SCG5: variants seen among roughly 807,000 people sequenced by gnomAD.
SCG5 encodes the protein secretogranin V.
SCG5 carries 18 observed loss-of-function variants against 25.7 expected under a neutral mutation model. That is an observed-to-expected ratio of 0.70 (90% confidence interval 0.48 to 1.04). The LOEUF is 1.04. Among genes scored for constraint, SCG5 ranks in the 50% least tolerant of loss-of-function variants. SCG5 has a pLI of 0.00. For missense variants in SCG5, 206 were observed against 259.8 expected (o/e 0.79, Z 1.42); for synonymous variants, 101 against 91.7 (o/e 1.10, Z -0.58).
chr15:32,654,429 A>AT (rs2054081704), intron 2 of SCG5, among the ~76,000 whole-genome samples: 2 of 152,200 alleles, frequency 1.3e-5, no homozygotes, highest in African/African-American at 4.8e-5. Flanking sequence ...CAAACATTCC[A>AT]TCCATAGCCC....
intron 2 of SCG5, among the ~76,000 whole-genome samples, chr15:32,678,291 T>A (rs1373660843): frequency 6.6e-6 from 1 of 152,174 alleles, no homozygotes; most frequent in Admixed American, 6.5e-5. Flanking sequence ...TGGGAAAATA[T>A]TTTCAGAAAA....
At chr15:32,675,095 A>G (rs571363984) in intron 2 of SCG5, among the ~76,000 whole-genome samples, 22 of 152,236 alleles carry the variant, frequency 1.4e-4, no homozygotes, top group Non-Finnish European at 2.9e-4. Context: ...TATAAACGCA[A>G]CTGGGCTTAA....
intron 1 of SCG5, 96 bp from the exon 2 acceptor site, chr15:32,643,490 C>T: frequency 9.8e-7 from 1 of 1,018,964 alleles, no homozygotes. Flanking sequence ...CTGGGTGGTC[C>T]TCGAACCACA....
chr15:32,682,923 G>A (rs1014255126), intron 3 of SCG5, among the ~76,000 whole-genome samples: 1 of 152,144 alleles, frequency 6.6e-6, no homozygotes, highest in African/African-American at 2.4e-5. Context: ...TTTAAGCCCG[G>A]AGACACCTTC....
chr15:32,694,475 A>G (rs185737239), intron 5 of SCG5, among the ~76,000 whole-genome samples: 80 of 152,300 alleles, frequency 5.3e-4, no homozygotes, highest in Middle Eastern at 3.4e-3. Context: ...GAGCTCTACT[A>G]TTGATCTTAT....
Position 32,643,866 on chromosome 15 carries a change from T to C in SCG5, c.226+48T>C, listed in dbSNP as rs762703251. Reference sequence around the variant, plus strand: ...TTGAAGTTTCCGTTAGCATTTTAAATAATATATTTGCACACTTCTCACAAC... The same window carrying C: ...TTGAAGTTTCCGTTAGCATTTTAAACAATATATTTGCACACTTCTCACAAC... On this transcript the variant is annotated intron_variant, in intron 2 of 5. Transcript: ENST00000300175. 5 of 1,515,752 alleles carry C rather than the reference T, an allele frequency of 3.3e-6. No homozygotes were observed. In the East Asian group the frequency reaches 1.1e-4, roughly 34 times the overall value. 93.9% of individuals were successfully genotyped at this position (1,515,752 alleles called of 1,614,324 possible).
In SCG5 at chr15:32,684,584, C is replaced by T. The variant is rs2054671686; in HGVS notation, c.404C>T (p.Pro135Leu). The change falls in exon 4 of 6, where the codon CCT (proline) becomes CTT (leucine). Residue 135 changes from proline (P) to leucine (L), a missense_variant. By Grantham distance (98) the Pro-to-Leu change is moderately conservative. Coordinates refer to ENST00000300175, the MANE Select transcript of SCG5 (RefSeq NM_001144757.3). ...TADDGCLENTPDTAEFSREFQ... is the reference protein window; with the variant it reads ...TADDGCLENTLDTAEFSREFQ... Reference sequence around the variant, plus strand: ...GATGATGGATGTCTAGAAAACACCCCTGACACTGCAGAGTTCAGTCGAGAG... The same window carrying T: ...GATGATGGATGTCTAGAAAACACCCTTGACACTGCAGAGTTCAGTCGAGAG... The T allele has an allele frequency of 1.9e-6, 3 of 1,613,408 alleles. No individual in the cohort carries two copies. In the South Asian group the frequency reaches 3.3e-5, roughly 18 times the overall value.
intron 2 of SCG5, among the ~76,000 whole-genome samples, chr15:32,659,285 C>T (rs1015584131): frequency 3.9e-5 from 6 of 152,348 alleles, no homozygotes; most frequent in African/African-American, 1.4e-4. Context: ...TGAAATGGAT[C>T]TTTCCTCTGG....
chr15:32,664,324 A>G (rs939892599), intron 2 of SCG5, among the ~76,000 whole-genome samples: 9 of 152,006 alleles, frequency 5.9e-5, no homozygotes, highest in African/African-American at 2.2e-4. Context: ...CCTTCCCTAC[A>G]TTGCTCTCTT....
In SCG5 at chr15:32,669,327, A is replaced by G. The variant is rs546539847; in HGVS notation, c.227-10439A>G. ...AGATAATTGGAGGCGGTAGGCCTGTATATGGAACCAGATGCTAGAGAGCCC... is the reference window on the plus strand; with the variant it reads ...AGATAATTGGAGGCGGTAGGCCTGTGTATGGAACCAGATGCTAGAGAGCCC... On this transcript the variant is annotated intron_variant, in intron 2 of 5. Transcript: ENST00000300175. Among the ~76,000 whole-genome samples, 8 of 152,302 alleles carry G rather than the reference A, an allele frequency of 5.3e-5. No homozygotes were observed. The East Asian group carries it at 5.8e-4, about 11-fold the overall frequency.
chr15:32,665,395 G>A (rs933432986), intron 2 of SCG5, among the ~76,000 whole-genome samples: 1 of 151,170 alleles, frequency 6.6e-6, no homozygotes, highest in Non-Finnish European at 1.5e-5. Context: ...TTTAAGTCTC[G>A]TTTCTGACAC....
intron 2 of SCG5, among the ~76,000 whole-genome samples, chr15:32,672,058 A>G (rs2054435544): frequency 1.3e-5 from 2 of 152,236 alleles, no homozygotes; most frequent in African/African-American, 4.8e-5. Flanking sequence ...ACCGCTGACA[A>G]AAGGAAAACT....
intron 4 of SCG5, among the ~76,000 whole-genome samples, chr15:32,687,245 A>G (rs890115647): frequency 6.6e-6 from 1 of 152,210 alleles, no homozygotes; most frequent in Non-Finnish European, 1.5e-5. Flanking sequence ...TATGAGGCCA[A>G]CCACGGTCCT....
intron 2 of SCG5, among the ~76,000 whole-genome samples, chr15:32,674,464 T>C (rs1373008096): frequency 6.6e-6 from 1 of 152,018 alleles, no homozygotes; most frequent in East Asian, 1.9e-4. Flanking sequence ...AAGTAAAACT[T>C]TGGGGGTCAG....
intron 2 of SCG5, among the ~76,000 whole-genome samples, chr15:32,651,005 C>T (rs1248258212): frequency 6.6e-6 from 1 of 152,084 alleles, no homozygotes; most frequent in Admixed American, 6.5e-5. Flanking sequence ...CGAGACCAGC[C>T]TGGCTAACAT....
chr15:32,693,217 C>T (rs1399837928), intron 5 of SCG5, among the ~76,000 whole-genome samples: 2 of 152,152 alleles, frequency 1.3e-5, no homozygotes, highest in Admixed American at 6.5e-5. Context: ...CTTCCTGGCC[C>T]ACCATTCCTT....
chr15:32,690,887 A>G (rs1217446821), intron 4 of SCG5, among the ~76,000 whole-genome samples: 1 of 151,392 alleles, frequency 6.6e-6, no homozygotes, highest in East Asian at 2.0e-4. Context: ...TCCTCCAGAT[A>G]AAAAAAATCA....
Position 32,660,753 on chromosome 15 carries a change from C to T in SCG5, c.226+16935C>T, listed in dbSNP as rs573129921. ...CCAAAAGGAGATCAGCTTTTCACCT[C>T]GATTACCCCTAGTACTTAAGACATT... On this transcript the variant is annotated intron_variant, in intron 2 of 5. Coordinates refer to ENST00000300175, the MANE Select transcript of SCG5 (RefSeq NM_001144757.3). Among the ~76,000 whole-genome samples, 10 of 152,296 alleles carry T rather than the reference C, an allele frequency of 6.6e-5. No individual in the cohort carries two copies. In the South Asian group the frequency reaches 1.2e-3, roughly 19 times the overall value.
chr15:32,656,002 A>G (rs552266209), intron 2 of SCG5: 2 of 152,266 alleles, frequency 1.3e-5, no homozygotes, highest in Admixed American at 6.5e-5. Context: ...CTGCCCCACA[A>G]CTTTCTGTAG....
Sources: allele counts gnomAD v4.1 joint callset (sites outside exome capture counted in the v4.1 genomes callset), GRCh38; gene constraint gnomAD v4.1.1; transcripts MANE v1.5; gene names NCBI Gene and HGNC (gene_info 2026-07-23, HGNC 2026-07-21).